VPS9D1: variants seen among roughly 807,000 people sequenced by gnomAD.
VPS9D1 encodes the protein VPS9 domain containing 1, also known as VPS9 domain-containing protein 1.
A neutral mutation model predicts 75.8 loss-of-function variants in VPS9D1; 78 were observed. The observed-to-expected ratio is 1.03, with a 90% CI of 0.86 to 1.24. The LOEUF (loss-of-function observed/expected upper bound fraction) is 1.24, where lower values mean the gene tolerates loss of function less well. Ranked by LOEUF, VPS9D1 falls within the 50% of genes most tolerant of loss-of-function variation. The pLI is 0.00. For missense variants in VPS9D1, 1,057 were observed against 847.7 expected (o/e 1.25, Z -3.07); for synonymous variants, 481 against 385.6 (o/e 1.25, Z -2.90).
At chr16:89,714,268 G>T (rs533726501) in intron 4 of VPS9D1, among the ~76,000 whole-genome samples, 1 of 152,126 alleles carries the variant, frequency 6.6e-6, no homozygotes, top group South Asian at 2.1e-4. Context: ...CTCATCGGCT[G>T]TTGTTAGTGT....
In VPS9D1 at chr16:89,707,974, A is replaced by C; in HGVS notation, c.1803-20T>G. 1 of 1,609,072 alleles carries C rather than the reference A, an allele frequency of 6.2e-7. No individual in the cohort carries two copies. The highest frequency in any genetic ancestry group is 8.5e-7 in the Non-Finnish European group (1 of 1,176,452). The stretch of plus-strand genomic sequence containing the variant: ...AGGTACCTGCATGGATGGCAGGGGC[A>C]GCCGGTGTCATCTGAACGAACAGAA... On this transcript the variant is annotated intron_variant, in intron 14 of 14. Transcript: ENST00000389386.
In VPS9D1 at chr16:89,708,894, G is replaced by A. The variant is rs1367015344; in HGVS notation, c.1660C>T (p.Pro554Ser). The change falls in exon 13 of 15, where the codon CCC becomes TCC. Residue 554 changes from proline to serine, a missense_variant. Coordinates refer to ENST00000389386, the MANE Select transcript of VPS9D1 (RefSeq NM_004913.3). ...EDYCPTPEAT[P>S]QAGPPPIAAA... ...GCGATGGGCGGGGGCCCGGCCTGGGGTGTGGCCTCTGGGGTGGGGCAGTAG... is the reference window on the plus strand; with the variant it reads ...GCGATGGGCGGGGGCCCGGCCTGGGATGTGGCCTCTGGGGTGGGGCAGTAG... 3 of 1,596,518 alleles carry A rather than the reference G, an allele frequency of 1.9e-6. No homozygotes were observed. The highest frequency in any genetic ancestry group is 1.7e-6 in the Non-Finnish European group (2 of 1,175,026).
intron 6 of VPS9D1, 54 bp from the exon 7 acceptor site, chr16:89,712,153 C>G (rs1259484289): frequency 6.5e-7 from 1 of 1,546,186 alleles, no homozygotes; most frequent in East Asian, 2.4e-5. Context: ...CCTCGGTTCC[C>G]AACCCCGTCC....
rs1316623392 is a variant in VPS9D1, at chr16:89,711,215, G to A, written c.833+112C>T. The A allele has an allele frequency of 4.6e-6, 6 of 1,290,926 alleles. No homozygotes were observed. The South Asian group carries it at 6.6e-5, about 14-fold the overall frequency. 80.0% of individuals were successfully genotyped at this position (1,290,926 alleles called of 1,614,324 possible). A position where few individuals can be genotyped will look rare whatever the true frequency, so the allele number is the denominator to read the frequency against. ...GCAAAGGGAGCTGCAGTGTCCACGT[G>A]GCCGGGCACAGGCTCCCTGTGTCAG... is the stretch of plus-strand genomic sequence containing the variant. On this transcript the variant is annotated intron_variant, in intron 9 of 14. Transcript: ENST00000389386.
chr16:89,711,001 G>T lies in VPS9D1; in HGVS notation c.843C>A (p.Asp281Glu). The change falls in exon 10 of 15, where the codon GAC (aspartate) becomes GAA (glutamate). Residue 281 changes from aspartate to glutamate, a missense_variant. Transcript: ENST00000389386. ...SLVSHLLSLP[D>E]HPIAQLLRRL... Reference sequence around the variant, plus strand: ...GCCTCAGGAGCTGCGCGATCGGGTGGTCGGGGAGGCTGCGGGAGAAGAGGA... The same window carrying T: ...GCCTCAGGAGCTGCGCGATCGGGTGTTCGGGGAGGCTGCGGGAGAAGAGGA... The T allele has an allele frequency of 6.9e-7, 1 of 1,438,894 alleles. No homozygotes were observed. The allele number at this position is 1,438,894 out of a possible 1,614,324, so 89.1% of individuals were successfully genotyped here. A position where few individuals can be genotyped will look rare whatever the true frequency, so the allele number is the denominator to read the frequency against.
Position 89,717,855 on chromosome 16 carries a change from T to G in VPS9D1, c.176-1033A>C, listed in dbSNP as rs533413178. 2.4e-5 allele frequency: 11 copies of G among 455,812 alleles called. 1 individual carries two copies. The highest frequency in any genetic ancestry group is 7.1e-5 in the Admixed American group (3 of 42,526). 28.2% of individuals were successfully genotyped at this position (455,812 alleles called of 1,614,324 possible). A position where few individuals can be genotyped will look rare whatever the true frequency, so the allele number is the denominator to read the frequency against. On this transcript the variant is annotated intron_variant, in intron 2 of 14. Transcript: ENST00000389386. ...CTGACCTGTGTGATCCTACGTCCAG[T>G]GGCTGCCCCGACCTCTGTGATCCCA...
chr16:89,709,020 A>ACCTCCCC, intron 12 of VPS9D1, 64 bp from the exon 13 acceptor site: 1 of 1,277,898 alleles, frequency 7.8e-7, no homozygotes. Flanking sequence ...CACCCCTTAT[A>ACCTCCCC]CCCCGCCCAC....
At position 89,711,349 on chromosome 16, in the gene VPS9D1, T is replaced by A; in HGVS notation, c.811A>T (p.Ser271Cys). ...RNPGDLSLVT[S>C]LVSHLLSLPD... ...TACCTGAGCAGGTGTGAGACCAGGC[T>A]GGTCACGAGTGACAGGTCCCCCGGA... The change falls in exon 9 of 15, where the codon AGC becomes TGC. Residue 271 changes from serine to cysteine, a missense_variant. Transcript: ENST00000389386. 2.5e-6 allele frequency: 4 copies of A among 1,610,888 alleles called. No individual in the cohort carries two copies. The highest frequency in any genetic ancestry group is 3.4e-6 in the Non-Finnish European group (4 of 1,178,710).
Position 89,720,822 on chromosome 16 carries a change from G to A in VPS9D1, c.40C>T (p.Gln14Ter). ...CCGTTGGCAAGCTTCATGGCGCTCTGCAGCGGCTTCACCGTGCCGTCCCCG... is the reference window on the plus strand; with the variant it reads ...CCGTTGGCAAGCTTCATGGCGCTCTACAGCGGCTTCACCGTGCCGTCCCCG... ...AAGDGTVKPLQSAMKLANGAI... is the reference protein window; with the variant it reads ...AAGDGTVKPL Residue 14 changes from glutamine (Q) to a stop codon, truncating the protein, a stop_gained, in exon 1 of 15, where the codon CAG becomes TAG. Coordinates refer to ENST00000389386, the MANE Select transcript of VPS9D1 (RefSeq NM_004913.3). LOFTEE classifies it high-confidence loss of function. The A allele has an allele frequency of 6.9e-7, 1 of 1,450,786 alleles. No homozygotes were observed. Among genetic ancestry groups the A allele is most frequent in the Non-Finnish European group, 9.1e-7 (1 of 1,097,464 alleles). 89.9% of individuals were successfully genotyped at this position (1,450,786 alleles called of 1,614,324 possible).
intron 8 of VPS9D1, 107 bp downstream of exon 8, chr16:89,711,775 C>A (rs1326496312): frequency 2.3e-6 from 3 of 1,333,274 alleles, no homozygotes; most frequent in Non-Finnish European, 3.1e-6. Context: ...CCTCACTGCC[C>A]CCCACAGCCT....
At chr16:89,712,569 C>T (rs1416202522) in intron 5 of VPS9D1, 36 bp downstream of exon 5, 2 of 1,608,850 alleles carry the variant, frequency 1.2e-6, no homozygotes, top group East Asian at 2.2e-5. Context: ...TGCCCCGCGC[C>T]CACGCACCCC....
chr16:89,712,836 G>A, intron 4 of VPS9D1, 120 bp from the exon 5 acceptor site: 1 of 883,052 alleles, frequency 1.1e-6, no homozygotes, highest in East Asian at 2.9e-5. Flanking sequence ...GAAAGAGGAG[G>A]GGAGCCATCT....
At chr16:89,716,998 G>GC (rs995284341) in intron 2 of VPS9D1, 176 bp from the exon 3 acceptor site, 38 of 370,814 alleles carry the variant, frequency 1.0e-4, no homozygotes, top group Admixed American at 3.6e-4. Context: ...CAAGCCCACT[G>GC]CCCCCCCATC....
At chr16:89,718,396 C>A (rs1163807499) in intron 2 of VPS9D1, among the ~76,000 whole-genome samples, 1 of 152,186 alleles carries the variant, frequency 6.6e-6, no homozygotes, top group Non-Finnish European at 1.5e-5. Context: ...CCACCCAAGG[C>A]ATGCACACAG....
Position 89,709,018 on chromosome 16 carries a change from A to G in VPS9D1, c.1598-62T>C, listed in dbSNP as rs573214127. The stretch of plus-strand genomic sequence containing the variant: ...CGTCCAGCAGCCTGAGCCACCCCTT[A>G]TACCCCGCCCACCCACCCACCTCCT... On this transcript the variant is annotated intron_variant, in intron 12 of 14. Coordinates refer to ENST00000389386, the MANE Select transcript of VPS9D1 (RefSeq NM_004913.3). 8,238 of 1,327,392 alleles carry G rather than the reference A, an allele frequency of 6.2e-3. 432 individuals carry two copies. In the African/African-American group the frequency reaches 0.15, roughly 25 times the overall value. 82.2% of individuals were successfully genotyped at this position (1,327,392 alleles called of 1,614,324 possible).
chr16:89,713,498 C>G (rs1328070949), intron 4 of VPS9D1, among the ~76,000 whole-genome samples: 1 of 151,800 alleles, frequency 6.6e-6, no homozygotes, highest in Non-Finnish European at 1.5e-5. Context: ...TCGTGATCCA[C>G]CCGCCTCGGC....
chr16:89,718,462 TGCCCCA>T (rs2061144487), intron 2 of VPS9D1, among the ~76,000 whole-genome samples: 1 of 152,198 alleles, frequency 6.6e-6, no homozygotes, highest in East Asian at 1.9e-4. Flanking sequence ...GCTGGAATGC[TGCCCCA>T]CGTCTGTGCC....
At chr16:89,718,993 C>A (rs756729188) in intron 2 of VPS9D1, 34 bp downstream of exon 2, 2 of 1,592,334 alleles carry the variant, frequency 1.3e-6, no homozygotes, top group South Asian at 1.1e-5. Context: ...GGATTACAGG[C>A]GTGAGCCACC....
Position 89,710,950 on chromosome 16 carries a change from G to C in VPS9D1, c.894C>G (p.Ala298=), listed in dbSNP as rs948817331. The C allele has an allele frequency of 6.8e-7, 1 of 1,471,338 alleles. No homozygotes were observed. Among genetic ancestry groups the C allele is most frequent in the Non-Finnish European group, 9.0e-7 (1 of 1,116,020 alleles). The allele number at this position is 1,471,338 out of a possible 1,614,324, so 91.1% of individuals were successfully genotyped here. A position where few individuals can be genotyped will look rare whatever the true frequency, so the allele number is the denominator to read the frequency against. ...LRRLQCSVYS[A]LYPAVSRAAA... ...CTGCTCTGCTCACGGCGGGATACAG[G>C]GCGCTGTACACGGAGCACTGCAGCC... is the stretch of plus-strand genomic sequence containing the variant. The change falls in exon 10 of 15, where the codon GCC becomes GCG. Residue 298 remains alanine (A), a synonymous_variant. Coordinates refer to ENST00000389386, the MANE Select transcript of VPS9D1 (RefSeq NM_004913.3).
Sources: gnomAD v4.1 joint callset for allele counts (sites outside exome capture counted in the v4.1 genomes callset) on GRCh38, gnomAD v4.1.1 for gene constraint, MANE v1.5 for transcripts, NCBI Gene and HGNC (gene_info 2026-07-23, HGNC 2026-07-21) for gene names.